The following KIF26B variants were observed in gnomAD, a reference collection of about 807,000 sequenced individuals.
KIF26B encodes the protein kinesin family member 26B, also known as kinesin-like protein KIF26B.
Under a neutral mutation model 151.2 loss-of-function variants are expected in KIF26B, and 63 were observed. The ratio of observed to expected loss-of-function variants is 0.42; its 90% CI spans 0.34 to 0.51. The LOEUF is 0.51. Among genes scored for constraint, KIF26B ranks in the 20% least tolerant of loss-of-function variants. The pLI, the probability that KIF26B is intolerant of heterozygous loss-of-function variation, is 0.07. For missense variants in KIF26B, 2,813 were observed against 2,913.6 expected, an observed-to-expected ratio of 0.97 and a Z score of 0.79; for synonymous variants, 1,357 against 1,262.1, an observed-to-expected ratio of 1.08 and a Z score of -1.59.
intron 2 of KIF26B, among the ~76,000 whole-genome samples, chr1:245,249,980 C>T (rs1168509091): frequency 1.3e-5 from 2 of 151,976 alleles, no homozygotes; most frequent in African/African-American, 4.8e-5. Flanking sequence ...AAATTATCCT[C>T]CAAATATCTA....
chr1:245,687,632 C>T lies in KIF26B; in HGVS notation c.4649C>T (p.Pro1550Leu), dbSNP rs1296611439. 12 of 1,566,136 alleles carry T rather than the reference C, an allele frequency of 7.7e-6. No individual in the cohort carries two copies. The highest frequency in any genetic ancestry group is 5.6e-5 in the Admixed American group (3 of 53,250). Residue 1550 changes from proline (P) to leucine (L), a missense_variant, in exon 12 of 15, where the codon CCG (proline) becomes CTG (leucine). Pro to Leu is a moderately conservative substitution (Grantham distance 98). Transcript: ENST00000407071. The surrounding 1 kb of genome is among the most constrained non-coding windows in gnomAD (Gnocchi z 4.9). ...CAGAAGGCCAGCCGGCAGGAGGAGC[C>T]GGACAGCCTCTCCTATTACTGCGCT... ...AFQKASRQEE[P>L]DSLSYYCAAE...
At position 245,490,434 on chromosome 1, in the gene KIF26B, C is replaced by T. The variant is rs767716027; in HGVS notation, c.1167-50333C>T. Among the ~76,000 whole-genome samples, 59 of 150,500 alleles carry T rather than the reference C, an allele frequency of 3.9e-4. 1 individual carries two copies. The Middle Eastern group carries it at 0.011, about 27-fold the overall frequency. ...TCAAGTGATTCTCCTGCCTCAGCCTCTTGAGTACCTGGGACTACAGGCGCA... is the reference window on the plus strand; with the variant it reads ...TCAAGTGATTCTCCTGCCTCAGCCTTTTGAGTACCTGGGACTACAGGCGCA... On this transcript the variant is annotated intron_variant, in intron 4 of 14. Coordinates refer to ENST00000407071, the MANE Select transcript of KIF26B (RefSeq NM_018012.4).
At chr1:245,346,936 A>G (rs1310303107) in intron 2 of KIF26B, among the ~76,000 whole-genome samples, 8 of 152,112 alleles carry the variant, frequency 5.3e-5, no homozygotes, top group Admixed American at 1.3e-4. Context: ...TTGATTATCT[A>G]ATCATTACCT....
chr1:245,497,725 A>G (rs888756098), intron 4 of KIF26B, among the ~76,000 whole-genome samples: 1 of 152,142 alleles, frequency 6.6e-6, no homozygotes, highest in Non-Finnish European at 1.5e-5. Flanking sequence ...TTATTATACT[A>G]TGTATACTGA....
chr1:245,338,961 T>A (rs1241525591), intron 2 of KIF26B, among the ~76,000 whole-genome samples: 1 of 147,356 alleles, frequency 6.8e-6, no homozygotes, highest in Non-Finnish European at 1.5e-5. Flanking sequence ...GTATGCTTCA[T>A]AGGGTAGAAT....
At chr1:245,472,194 G>T (rs12070255) in intron 4 of KIF26B, among the ~76,000 whole-genome samples, 12,754 of 152,264 alleles carry the variant, frequency 0.084, 595 homozygotes, top group South Asian at 0.13. Flanking sequence ...GATCTAGAGG[G>T]AGAGCACCAG....
intron 2 of KIF26B, among the ~76,000 whole-genome samples, chr1:245,340,361 A>G (rs974003434): frequency 2.0e-5 from 3 of 152,096 alleles, no homozygotes; most frequent in Non-Finnish European, 4.4e-5. Context: ...GACAAGGAAA[A>G]AAACTCTGTA....
chr1:245,208,608 T>C (rs1463089081), intron 2 of KIF26B, among the ~76,000 whole-genome samples: 1 of 152,180 alleles, frequency 6.6e-6, no homozygotes, highest in East Asian at 1.9e-4. Flanking sequence ...GGCAAGCGGA[T>C]GTCGATAGTG....
At chr1:245,419,497 C>T in intron 3 of KIF26B, 82 bp from the exon 4 acceptor site, 2 of 1,360,042 alleles carry the variant, frequency 1.5e-6, no homozygotes, top group Non-Finnish European at 2.0e-6. Context: ...TGCCTCCCTC[C>T]CCCAAATAGA....
intron 4 of KIF26B, among the ~76,000 whole-genome samples, chr1:245,522,037 T>A (rs551275222): frequency 2.7e-4 from 41 of 151,832 alleles, no homozygotes; most frequent in Admixed American, 9.2e-4. Flanking sequence ...GCCCGGCTAA[T>A]TTTTTGTATT....
At chr1:245,370,035 T>A (rs908985480) in intron 3 of KIF26B, among the ~76,000 whole-genome samples, 13 of 152,178 alleles carry the variant, frequency 8.5e-5, no homozygotes, top group African/African-American at 3.1e-4. Context: ...TAGAAAATTA[T>A]CAAAAGTAAC....
chr1:245,513,320 A>T (rs1191105098), intron 4 of KIF26B, among the ~76,000 whole-genome samples: 1 of 151,868 alleles, frequency 6.6e-6, no homozygotes, highest in African/African-American at 2.4e-5. Flanking sequence ...ATACCTGCAC[A>T]TGGTCTTTGA....
At chr1:245,412,384 C>A (rs954818209) in intron 3 of KIF26B, among the ~76,000 whole-genome samples, 1 of 152,162 alleles carries the variant, frequency 6.6e-6, no homozygotes, top group Non-Finnish European at 1.5e-5. Context: ...GAGTAGGAAG[C>A]AATTGCTCTC....
chr1:245,253,084 A>G (rs1670472529), intron 2 of KIF26B, among the ~76,000 whole-genome samples: 1 of 144,226 alleles, frequency 6.9e-6, no homozygotes, highest in African/African-American at 2.6e-5. Context: ...ATCTCGGCTC[A>G]CTGCAACTTC....
intron 2 of KIF26B, among the ~76,000 whole-genome samples, chr1:245,354,610 G>A (rs56412037): frequency 0.019 from 2,836 of 152,346 alleles, 92 homozygotes; most frequent in African/African-American, 0.064. Context: ...CCACCAGCCC[G>A]TGGGGTTTTC....
chr1:245,190,595 A>G (rs1420283717), intron 2 of KIF26B, among the ~76,000 whole-genome samples: 1 of 149,018 alleles, frequency 6.7e-6, no homozygotes, highest in Admixed American at 6.7e-5. Flanking sequence ...GGTTTTATAC[A>G]TAGGACATCT....
At chr1:245,161,684 T>G (rs2103517656) in intron 2 of KIF26B, among the ~76,000 whole-genome samples, 1 of 152,300 alleles carries the variant, frequency 6.6e-6, no homozygotes, top group South Asian at 2.1e-4. Context: ...ACGTGATTTT[T>G]TCTTTTTTAC....
At chr1:245,581,898 CAGAG>C (rs1037031130) in intron 5 of KIF26B, among the ~76,000 whole-genome samples, 3 of 139,874 alleles carry the variant, frequency 2.1e-5, no homozygotes, top group Non-Finnish European at 4.5e-5. Context: ...GCTTCTGCAA[CAGAG>C]AGAGACCCTG....
intron 2 of KIF26B, among the ~76,000 whole-genome samples, chr1:245,364,513 C>T (rs951006892): frequency 3.3e-5 from 5 of 149,646 alleles, no homozygotes; most frequent in South Asian, 2.1e-4. Context: ...CTCTGCCTCC[C>T]GTGTTCAAGT....
Sources: gnomAD v4.1 joint callset for allele counts (sites outside exome capture counted in the v4.1 genomes callset) on GRCh38, gnomAD v4.1.1 for gene constraint, Gnocchi (gnomAD v3.1) non-coding constraint, MANE v1.5 for transcripts, NCBI Gene and HGNC (gene_info 2026-07-23, HGNC 2026-07-21) for gene names.